Variants in ABCD3 observed in about 807,000 individuals in gnomAD.
ABCD3 encodes the protein ATP-binding cassette sub-family D member 3.
In ABCD3, 41 loss-of-function variants were observed where a neutral mutation model predicts 105.5. The ratio of observed to expected loss-of-function variants is 0.39; its 90% CI spans 0.30 to 0.50. ABCD3 has a LOEUF of 0.50. Ranked by LOEUF, ABCD3 falls within the 20% of genes least tolerant of loss-of-function variation. ABCD3 has a pLI of 0.84. For synonymous variants in ABCD3, 258 were observed against 269.0 expected, an observed-to-expected ratio of 0.96 and a Z score of 0.40; for missense variants, 622 against 806.3, an observed-to-expected ratio of 0.77 and a Z score of 2.77.
At chr1:94,503,906 CTT>C (rs71097203) in intron 20 of ABCD3, among the ~76,000 whole-genome samples, 254 of 69,756 alleles carry the variant, frequency 3.6e-3, no homozygotes, top group African/African-American at 0.013. Context: ...ACAAGTGATT[CTT>C]TTTTTTTTTT....
intron 1 of ABCD3, chr1:94,455,591 C>T (rs1252802595): frequency 3.3e-6 from 1 of 299,812 alleles, no homozygotes; most frequent in Non-Finnish European, 6.6e-6. Context: ...TCCCAAAGTG[C>T]TGGGATTATA....
At chr1:94,499,393 C>T (rs1649984201) in intron 19 of ABCD3, 102 bp from the exon 20 acceptor site, 2 of 1,281,108 alleles carry the variant, frequency 1.6e-6, no homozygotes, top group Non-Finnish European at 1.1e-6. Context: ...TTAAGTGGTA[C>T]AGACAATAGA....
chr1:94,445,920 A>G (rs373035576), intron 1 of ABCD3, among the ~76,000 whole-genome samples: 1 of 152,148 alleles, frequency 6.6e-6, no homozygotes, highest in African/African-American at 2.4e-5. Flanking sequence ...CTGTGATGGT[A>G]TCGTAGGTAA....
At chr1:94,480,291 T>G (rs567265486) in intron 8 of ABCD3, 173 bp from the exon 9 acceptor site, 6 of 682,002 alleles carry the variant, frequency 8.8e-6, no homozygotes, top group Admixed American at 2.6e-5. Flanking sequence ...GTAGTAAAAG[T>G]GTAGAGGCTA....
chr1:94,500,306 C>T (rs1047681019), intron 20 of ABCD3, among the ~76,000 whole-genome samples: 3 of 151,874 alleles, frequency 2.0e-5, no homozygotes, highest in African/African-American at 4.8e-5. Context: ...ATTATCTGGG[C>T]GTAGTGGCAC....
chr1:94,421,489 T>C (rs147590991), intron 1 of ABCD3, among the ~76,000 whole-genome samples: 1,971 of 152,076 alleles, frequency 0.013, 46 homozygotes, highest in African/African-American at 0.045. Flanking sequence ...ATCTTTTTAC[T>C]CATGGATAAA....
At chr1:94,505,043 G>A (rs930175832) in intron 20 of ABCD3, among the ~76,000 whole-genome samples, 4 of 152,138 alleles carry the variant, frequency 2.6e-5, no homozygotes, top group Admixed American at 6.6e-5. Flanking sequence ...AGTTTCATTT[G>A]CTGAAGTGTT....
intron 21 of ABCD3, chr1:94,514,078 A>G (rs1223219986): frequency 6.6e-6 from 1 of 152,048 alleles, no homozygotes; most frequent in African/African-American, 2.4e-5. Context: ...ATTATCATCA[A>G]AATGAAAATA....
chr1:94,432,994 A>G (rs942989629), intron 1 of ABCD3, among the ~76,000 whole-genome samples: 1 of 151,096 alleles, frequency 6.6e-6, no homozygotes, highest in Admixed American at 6.6e-5. Flanking sequence ...AACTGGTATT[A>G]CAGGCACGCA....
At chr1:94,455,210 A>G (rs1259011786) in intron 1 of ABCD3, among the ~76,000 whole-genome samples, 3 of 152,340 alleles carry the variant, frequency 2.0e-5, no homozygotes, top group Non-Finnish European at 4.4e-5. Context: ...CTCATACTGA[A>G]TTGTTTTGCC....
chr1:94,464,759 C>CTT lies in ABCD3; in HGVS notation c.148-9_148-8dup, dbSNP rs756130721. 1 of 1,569,842 alleles carries CTT rather than the reference C, an allele frequency of 6.4e-7. No homozygotes were observed. The highest frequency in any genetic ancestry group is 1.1e-5 in the South Asian group (1 of 89,886). On this transcript the variant is annotated splice_polypyrimidine_tract_variant and intron_variant, in intron 2 of 22. Coordinates refer to ENST00000370214, the MANE Select transcript of ABCD3 (RefSeq NM_002858.4). ...TGTTATAGCTATCTTAAAAGGGCTTCTTTTTTTTAATGCAGAAAGAGGGGA... is the reference window on the plus strand; with the variant it reads ...TGTTATAGCTATCTTAAAAGGGCTTCTTTTTTTTTTAATGCAGAAAGAGGGGA...
chr1:94,496,782 T>G (rs994190301), intron 16 of ABCD3, among the ~76,000 whole-genome samples: 3 of 150,248 alleles, frequency 2.0e-5, no homozygotes, highest in Non-Finnish European at 4.4e-5. Context: ...TTTTTTTTTT[T>G]TTTGAGACGG....
At chr1:94,508,185 G>C (rs1011399670) in intron 21 of ABCD3, among the ~76,000 whole-genome samples, 2 of 152,260 alleles carry the variant, frequency 1.3e-5, no homozygotes, top group East Asian at 3.9e-4. Flanking sequence ...GTAAGGAAGG[G>C]ATCCAGTTTT....
chr1:94,433,155 C>CTT lies in ABCD3; in HGVS notation c.110+14581_110+14582dup, dbSNP rs74203433. Among the ~76,000 whole-genome samples, 356 of 131,092 alleles carry CTT rather than the reference C, an allele frequency of 2.7e-3. 1 individual carries two copies. Among genetic ancestry groups the CTT allele is most frequent in the African/African-American group, 9.5e-3 (337 of 35,584 alleles). The allele number at this position is 131,092 out of a possible 152,430, so 86.0% of individuals were successfully genotyped here. On this transcript the variant is annotated intron_variant, in intron 1 of 22. Coordinates refer to ENST00000370214, the MANE Select transcript of ABCD3 (RefSeq NM_002858.4). ...ACAGGCGTAAGCCACAACGCCCAGC[C>CTT]TTTTTTTTTTTTTTTCCAGACATAG...
At chr1:94,405,310 CTTTT>C in the ABCD3 span, among the ~76,000 whole-genome samples, 4 of 124,954 alleles carry the variant, frequency 3.2e-5, no homozygotes, top group Non-Finnish European at 5.1e-5. Flanking sequence ...CATTATCAAG[CTTTT>C]TTTTTTTTTT....
chr1:94,387,947 G>T, the ABCD3 span, among the ~76,000 whole-genome samples: 2 of 152,080 alleles, frequency 1.3e-5, no homozygotes, highest in Non-Finnish European at 2.9e-5. Flanking sequence ...GAGCACTTAT[G>T]ATACAAATGA....
chr1:94,461,226 T>A (rs145372220), intron 2 of ABCD3, among the ~76,000 whole-genome samples: 39 of 152,262 alleles, frequency 2.6e-4, no homozygotes, highest in African/African-American at 8.7e-4. Flanking sequence ...ACAGTGAATA[T>A]GTTACTTTTG....
chr1:94,500,577 T>TC (rs1224935024), intron 20 of ABCD3, among the ~76,000 whole-genome samples: 10 of 152,234 alleles, frequency 6.6e-5, no homozygotes, highest in Admixed American at 2.0e-4. Context: ...GATTCTCCTC[T>TC]CCCCCTGCAG....
intron 5 of ABCD3, 99 bp from the exon 6 acceptor site, chr1:94,475,044 T>A (rs1033837378): frequency 2.5e-6 from 2 of 792,626 alleles, no homozygotes; most frequent in Non-Finnish European, 4.2e-6. Flanking sequence ...ATTATAAAAA[T>A]TGTAGGATTT....
Sources: gnomAD v4.1 joint callset for allele counts (sites outside exome capture counted in the v4.1 genomes callset) on GRCh38, gnomAD v4.1.1 for gene constraint, MANE v1.5 for transcripts, NCBI Gene and HGNC (gene_info 2026-07-23, HGNC 2026-07-21) for gene names.